Variants in CHST10 observed in about 807,000 individuals in gnomAD.
The protein encoded by CHST10 is carbohydrate sulfotransferase 10.
In CHST10, 24 loss-of-function variants were observed where a neutral mutation model predicts 34.7. That is an observed-to-expected ratio of 0.69 (90% CI 0.50 to 0.97). CHST10 has a LOEUF of 0.97. Among genes scored for constraint, CHST10 ranks in the 50% least tolerant of loss-of-function variants. The pLI, the probability that CHST10 is intolerant of heterozygous loss-of-function variation, is 0.00. For synonymous variants in CHST10, 161 were observed against 169.3 expected (o/e 0.95, Z 0.38); for missense variants, 402 against 452.1 (o/e 0.89, Z 1.00).
chr2:100,415,208 A>G, intron 1 of CHST10, 97 bp from the exon 2 acceptor site: 1 of 622,330 alleles, frequency 1.6e-6, no homozygotes, highest in South Asian at 1.9e-5. Flanking sequence ...GAAATAGTGA[A>G]CCATTTTGAT....
In CHST10 at chr2:100,417,396, G is replaced by A. The variant is rs1676112918; in HGVS notation, c.-126C>T. On this transcript the variant is annotated 5_prime_UTR_variant, in exon 1 of 7. Coordinates refer to ENST00000264249, the MANE Select transcript of CHST10 (RefSeq NM_004854.5). The stretch of plus-strand genomic sequence containing the variant: ...CACCCTACTGGAGCGGCGCTCGTCC[G>A]GGTCCTTAGGCTCCTCCCCTGGCCC... 3.4e-6 allele frequency: 1 copy of A among 290,346 alleles called. No individual in the cohort carries two copies. The highest frequency in any genetic ancestry group is 3.2e-5 in the South Asian group (1 of 30,994). The allele number at this position is 290,346 out of a possible 1,614,324, so 18.0% of individuals were successfully genotyped here. A position where few individuals can be genotyped will look rare whatever the true frequency, so the allele number is the denominator to read the frequency against.
intron 2 of CHST10, among the ~76,000 whole-genome samples, chr2:100,412,257 T>C (rs924190330): frequency 6.6e-6 from 1 of 152,222 alleles, no homozygotes; most frequent in African/African-American, 2.4e-5. Context: ...CCATCATCTC[T>C]GGCTGTGGCT....
chr2:100,401,307 G>A (rs1675329749), intron 4 of CHST10, among the ~76,000 whole-genome samples: 2 of 152,138 alleles, frequency 1.3e-5, no homozygotes, highest in Admixed American at 1.3e-4. Context: ...TCAGAGGGCG[G>A]CTCGGAAGAC....
At chr2:100,399,204 C>G (rs938172912) in intron 4 of CHST10, among the ~76,000 whole-genome samples, 3 of 151,964 alleles carry the variant, frequency 2.0e-5, no homozygotes, top group Admixed American at 2.0e-4. Flanking sequence ...CCCGGGTTCC[C>G]GCCATTCTCC....
chr2:100,401,933 T>C (rs999155091), intron 4 of CHST10, among the ~76,000 whole-genome samples: 1 of 152,112 alleles, frequency 6.6e-6, no homozygotes, highest in Non-Finnish European at 1.5e-5. Flanking sequence ...ACCCTCTAGA[T>C]CCAGAATGGG....
chr2:100,394,866 C>T (rs976904124), intron 6 of CHST10, among the ~76,000 whole-genome samples: 5 of 151,364 alleles, frequency 3.3e-5, no homozygotes, highest in Admixed American at 2.0e-4. Flanking sequence ...TAGGACTACA[C>T]GTGTGTGCCA....
intron 4 of CHST10, among the ~76,000 whole-genome samples, chr2:100,398,402 T>C (rs895597905): frequency 6.6e-6 from 1 of 151,954 alleles, no homozygotes; most frequent in East Asian, 1.9e-4. Context: ...GGAGAGAAGT[T>C]TGACTTTAAA....
At chr2:100,407,087 C>A (rs1226022893) in intron 2 of CHST10, among the ~76,000 whole-genome samples, 2 of 152,134 alleles carry the variant, frequency 1.3e-5, no homozygotes, top group Non-Finnish European at 2.9e-5. Context: ...AAGAGGCCTG[C>A]CAAGGACTAG....
chr2:100,414,208 G>A (rs1417986089), intron 2 of CHST10, among the ~76,000 whole-genome samples: 1 of 152,186 alleles, frequency 6.6e-6, no homozygotes, highest in Non-Finnish European at 1.5e-5. Flanking sequence ...GAAGGCCAGT[G>A]TTCCTCATGC....
chr2:100,410,172 T>C (rs2104239953), intron 2 of CHST10, among the ~76,000 whole-genome samples: 1 of 152,364 alleles, frequency 6.6e-6, no homozygotes, highest in African/African-American at 2.4e-5. Context: ...CTGTGGGCAG[T>C]CACTGCGGGG....
intron 3 of CHST10, 122 bp downstream of exon 3, chr2:100,406,454 G>C: frequency 7.7e-7 from 1 of 1,299,248 alleles, no homozygotes; most frequent in East Asian, 2.4e-5. Flanking sequence ...GACCTCCAAG[G>C]TCCCTGCTGG....
chr2:100,405,073 C>T (rs938249202), intron 3 of CHST10, among the ~76,000 whole-genome samples: 1 of 152,228 alleles, frequency 6.6e-6, no homozygotes, highest in South Asian at 2.1e-4. Context: ...GAACCCGGCT[C>T]TAGGGCTTCA....
chr2:100,402,848 G>T (rs544704152), intron 3 of CHST10, among the ~76,000 whole-genome samples, 193 bp from the exon 4 acceptor site: 8 of 152,148 alleles, frequency 5.3e-5, no homozygotes, highest in Non-Finnish European at 1.0e-4. Flanking sequence ...ATTCACACAC[G>T]GAACAAACCT....
intron 1 of CHST10, chr2:100,416,391 A>G (rs1573206944): frequency 6.6e-6 from 1 of 152,264 alleles, no homozygotes; most frequent in Non-Finnish European, 1.5e-5. Context: ...TTGAGATTCT[A>G]TTCTTCAGGG....
chr2:100,402,090 C>A (rs1675367447), intron 4 of CHST10, among the ~76,000 whole-genome samples: 1 of 152,238 alleles, frequency 6.6e-6, no homozygotes, highest in Non-Finnish European at 1.5e-5. Flanking sequence ...CAGCCTTGGG[C>A]TCCGCCAGGA....
rs112151418 is a variant in CHST10 at position 100,398,211 on chromosome 2, C to T, written c.193-69G>A. 7.1e-4 allele frequency: 797 copies of T among 1,122,944 alleles called. 5 individuals carry two copies. The African/African-American group carries it at 0.01, about 14-fold the overall frequency. 69.6% of individuals were successfully genotyped at this position (1,122,944 alleles called of 1,614,324 possible). ...GAGGCAGGACCGGGCCAAGCAGAGC[C>T]GCTCCTGCTGGTCTATCCCCTCCTT... On this transcript the variant is annotated intron_variant, in intron 4 of 6. Transcript: ENST00000264249.
At position 100,392,443 on chromosome 2, in the gene CHST10, C is replaced by T. The variant is rs539990350; in HGVS notation, c.*802G>A. On this transcript the variant is annotated 3_prime_UTR_variant, in exon 7 of 7. Coordinates refer to ENST00000264249, the MANE Select transcript of CHST10 (RefSeq NM_004854.5). ...CCAAGCCCAACCAGCGCCCCCATTC[C>T]TGGGCCATGGTCCTTTTAAGGCCCT... The T allele has an allele frequency of 8.5e-5, 13 of 152,478 alleles. No individual in the cohort carries two copies. The highest frequency in any genetic ancestry group is 2.9e-4 in the African/African-American group (12 of 41,568). The allele number at this position is 152,478 out of a possible 1,614,324, so 9.4% of individuals were successfully genotyped here. A position where few individuals can be genotyped will look rare whatever the true frequency, so the allele number is the denominator to read the frequency against.
At chr2:100,406,749 A>G (rs1278955455) in intron 2 of CHST10, 42 bp from the exon 3 acceptor site, 1 of 1,594,812 alleles carries the variant, frequency 6.3e-7, no homozygotes, top group Admixed American at 1.7e-5. Context: ...TTACAAATAC[A>G]TCAAGTCAAC....
intron 1 of CHST10, among the ~76,000 whole-genome samples, chr2:100,415,331 T>A (rs1295101577): frequency 6.6e-6 from 1 of 152,174 alleles, no homozygotes; most frequent in Non-Finnish European, 1.5e-5. Context: ...AAAAGACTCT[T>A]CCATGTAACT....
Sources: gnomAD v4.1 joint callset for allele counts (sites outside exome capture counted in the v4.1 genomes callset) on GRCh38, gnomAD v4.1.1 for gene constraint, MANE v1.5 for transcripts, NCBI Gene and HGNC (gene_info 2026-07-23, HGNC 2026-07-21) for gene names.